The following NKAIN3 variants were observed in gnomAD, a reference collection of about 807,000 sequenced individuals.
The protein encoded by NKAIN3 is sodium/potassium-transporting ATPase subunit beta-1-interacting protein 3.
In NKAIN3, 25 loss-of-function variants were observed where a neutral mutation model predicts 30.2. The ratio of observed to expected loss-of-function variants is 0.83; its 90% confidence interval spans 0.60 to 1.16. The LOEUF is 1.16. Among genes scored for constraint, NKAIN3 ranks in the 50% most tolerant of loss-of-function variants. The probability of loss-of-function intolerance (pLI) is 0.00; values close to 1 mark genes in which losing one functional copy is unlikely to be tolerated. For synonymous variants in NKAIN3, 91 were observed against 89.6 expected, an observed-to-expected ratio of 1.02 and a Z score of -0.09; for missense variants, 225 against 254.1, an observed-to-expected ratio of 0.89 and a Z score of 0.78.
chr8:62,775,458 C>T (rs958229631), intron 4 of NKAIN3, among the ~76,000 whole-genome samples: 18 of 151,808 alleles, frequency 1.2e-4, no homozygotes, highest in African/African-American at 4.1e-4. Context: ...TTTTCACTTG[C>T]AATGCTCTTG....
intron 1 of NKAIN3, among the ~76,000 whole-genome samples, chr8:62,348,273 A>C (rs1369274365): frequency 6.6e-6 from 1 of 152,174 alleles, no homozygotes; most frequent in Non-Finnish European, 1.5e-5. Context: ...TATTCGACTT[A>C]AACTATTTGG....
At chr8:62,469,977 G>T (rs1381956665) in intron 1 of NKAIN3, among the ~76,000 whole-genome samples, 1 of 152,078 alleles carries the variant, frequency 6.6e-6, no homozygotes, top group Non-Finnish European at 1.5e-5. Context: ...CACAGATCCT[G>T]GTATGCTTTG....
intron 3 of NKAIN3, among the ~76,000 whole-genome samples, chr8:62,665,366 T>C (rs1042793591): frequency 2.1e-5 from 3 of 142,642 alleles, no homozygotes; most frequent in African/African-American, 7.7e-5. Context: ...AGATTTACCA[T>C]AAAAAAAAAA....
intron 3 of NKAIN3, among the ~76,000 whole-genome samples, chr8:62,705,162 G>A (rs555997753): frequency 3.4e-4 from 52 of 152,242 alleles, no homozygotes; most frequent in African/African-American, 1.1e-3. Flanking sequence ...CTGAAGGTAC[G>A]TCATATTTGA....
intron 1 of NKAIN3, among the ~76,000 whole-genome samples, chr8:62,329,392 T>C (rs1815259636): frequency 6.6e-6 from 1 of 152,164 alleles, no homozygotes; most frequent in Non-Finnish European, 1.5e-5. Context: ...GTTTGTTACA[T>C]GGATAAATTG....
intron 4 of NKAIN3, among the ~76,000 whole-genome samples, chr8:62,777,910 A>G (rs981700454): frequency 6.6e-6 from 1 of 152,118 alleles, no homozygotes; most frequent in African/African-American, 2.4e-5. Flanking sequence ...CAGCTGTGTC[A>G]GCATTAGGAG....
At chr8:62,495,799 C>T (rs1451849) in intron 1 of NKAIN3, among the ~76,000 whole-genome samples, 2 of 152,024 alleles carry the variant, frequency 1.3e-5, no homozygotes, top group Admixed American at 1.3e-4. Flanking sequence ...GATAGGAGAA[C>T]TGATATTCAC....
rs376644270 is a variant in NKAIN3, at chr8:62,567,618, A to G, written c.55-11921A>G. On this transcript the variant is annotated intron_variant, in intron 1 of 6. Transcript: ENST00000623646. Reference sequence around the variant, plus strand: ...TGAGAAGGAACAGAATGATGGTAGCATGAGGACTCAGCCCACTGTGGCTGG... The same window carrying G: ...TGAGAAGGAACAGAATGATGGTAGCGTGAGGACTCAGCCCACTGTGGCTGG... 7.2e-4 allele frequency among the ~76,000 whole-genome samples: 109 copies of G among 152,248 alleles called. 1 individual carries two copies. The Middle Eastern group carries it at 0.02, about 29-fold the overall frequency.
At chr8:62,751,739 A>AAT (rs148252933) in intron 4 of NKAIN3, among the ~76,000 whole-genome samples, 1 of 152,116 alleles carries the variant, frequency 6.6e-6, no homozygotes. Flanking sequence ...TAGCGAGTAT[A>AAT]ATATATAGAT....
At chr8:62,775,235 G>T (rs1817152272) in intron 4 of NKAIN3, among the ~76,000 whole-genome samples, 1 of 151,946 alleles carries the variant, frequency 6.6e-6, no homozygotes, top group Admixed American at 6.6e-5. Flanking sequence ...AATTTCTGTA[G>T]TATCAGTTAT....
intron 4 of NKAIN3, among the ~76,000 whole-genome samples, chr8:62,907,880 C>T (rs1340327973): frequency 1.3e-5 from 2 of 152,210 alleles, no homozygotes; most frequent in East Asian, 1.9e-4. Context: ...CAGTGGGAAT[C>T]CCCACACAGA....
Position 62,876,706 on chromosome 8 carries a change from C to G in NKAIN3, c.472-41747C>G, listed in dbSNP as rs1022716855. On this transcript the variant is annotated intron_variant, in intron 4 of 6. Transcript: ENST00000623646. ...GAACCCATCAGCCTCAGCAAACTAA[C>G]TCAGGAACAGAAAACCAAACACCCC... Among the ~76,000 whole-genome samples the G allele has an allele frequency of 5.9e-5, 9 of 152,092 alleles. No homozygotes were observed. In the South Asian group the frequency reaches 1.0e-3, roughly 18 times the overall value.
At chr8:62,757,972 T>A (rs1018685214) in intron 4 of NKAIN3, among the ~76,000 whole-genome samples, 1 of 152,100 alleles carries the variant, frequency 6.6e-6, no homozygotes, top group African/African-American at 2.4e-5. Context: ...GCAGGGTGGA[T>A]CAGATATGCA....
At position 62,966,935 on chromosome 8, in the gene NKAIN3, G is replaced by A. The variant is rs1348875936; in HGVS notation, c.*1528G>A. ...TATAGGTTTCATGAGACTCTGTTAA[G>A]AATCAGAGTTTAATGTGACAAAGTT... On this transcript the variant is annotated 3_prime_UTR_variant, in exon 7 of 7. Transcript: ENST00000623646. Among the ~76,000 whole-genome samples, 1 of 152,126 alleles carries A rather than the reference G, an allele frequency of 6.6e-6. No homozygotes were observed. The highest frequency in any genetic ancestry group is 2.4e-5 in the African/African-American group (1 of 41,422).
chr8:62,403,807 G>A (rs1803966686), intron 1 of NKAIN3, among the ~76,000 whole-genome samples: 2 of 152,228 alleles, frequency 1.3e-5, no homozygotes, highest in South Asian at 2.1e-4. Flanking sequence ...GCACTGCCTG[G>A]TGTAGCTGTA....
chr8:62,602,256 T>A (rs778057229), intron 3 of NKAIN3, among the ~76,000 whole-genome samples: 3 of 152,118 alleles, frequency 2.0e-5, no homozygotes, highest in African/African-American at 4.8e-5. Flanking sequence ...TAGCTGTATT[T>A]CTTATTATAT....
chr8:62,879,135 A>G (rs1176592286), intron 4 of NKAIN3, among the ~76,000 whole-genome samples: 1 of 152,184 alleles, frequency 6.6e-6, no homozygotes, highest in African/African-American at 2.4e-5. Flanking sequence ...CCAACAGTGT[A>G]AAAGTGTTCC....
At chr8:62,586,870 G>C (rs1195920948) in intron 2 of NKAIN3, among the ~76,000 whole-genome samples, 1 of 151,848 alleles carries the variant, frequency 6.6e-6, no homozygotes, top group East Asian at 1.9e-4. Flanking sequence ...CATAAGCAAA[G>C]TAGAAGAGAG....
At chr8:62,629,689 A>C (rs989575151) in intron 3 of NKAIN3, among the ~76,000 whole-genome samples, 29 of 152,190 alleles carry the variant, frequency 1.9e-4, no homozygotes, top group African/African-American at 6.5e-4. Context: ...CAAATAGTTA[A>C]TGTAAAATCA....
Sources: gnomAD v4.1 joint callset for allele counts (sites outside exome capture counted in the v4.1 genomes callset) on GRCh38, gnomAD v4.1.1 for gene constraint, MANE v1.5 for transcripts, NCBI Gene and HGNC (gene_info 2026-07-23, HGNC 2026-07-21) for gene names.